Variants in PGAP4 observed in about 807,000 individuals in gnomAD.
PGAP4 encodes the protein GPI-N-acetylgalactosamine transferase PGAP4.
A neutral mutation model predicts 28.2 loss-of-function variants in PGAP4; 12 were observed. The observed-to-expected ratio is 0.42, with a 90% CI of 0.27 to 0.69. PGAP4 has a LOEUF of 0.69. PGAP4 is among the 30% of genes least tolerant of loss of function. The probability of loss-of-function intolerance (pLI) is 0.22; values close to 1 mark genes in which losing one functional copy is unlikely to be tolerated. For synonymous variants in PGAP4, 205 were observed against 211.8 expected (o/e 0.97, Z 0.28); for missense variants, 425 against 513.5 (o/e 0.83, Z 1.67).
chr9:101,477,231 CAAAA>C, intron 1 of PGAP4, 62 bp from the exon 2 acceptor site: 1 of 1,304,732 alleles, frequency 7.7e-7, no homozygotes. Flanking sequence ...AACAAACAAA[CAAAA>C]AAACAAAAGG....
intron 2 of PGAP4, among the ~76,000 whole-genome samples, chr9:101,523,749 A>G (rs958667082): frequency 1.4e-5 from 2 of 145,380 alleles, no homozygotes; most frequent in African/African-American, 2.6e-5. Flanking sequence ...TCAGGAATTT[A>G]TTCTTGGTTT....
intron 2 of PGAP4, among the ~76,000 whole-genome samples, chr9:101,519,990 T>A (rs1470978862): frequency 6.6e-6 from 1 of 152,188 alleles, no homozygotes; most frequent in African/African-American, 2.4e-5. Flanking sequence ...CTTTCCCTGC[T>A]TTTATGTTTT....
chr9:101,519,178 G>A (rs1826964758), intron 2 of PGAP4, among the ~76,000 whole-genome samples: 2 of 151,964 alleles, frequency 1.3e-5, no homozygotes, highest in African/African-American at 4.8e-5. Flanking sequence ...TTTGTTTTTA[G>A]ATGGAGTCTT....
chr9:101,482,014 T>C (rs2118535456), intron 1 of PGAP4, among the ~76,000 whole-genome samples: 1 of 152,274 alleles, frequency 6.6e-6, no homozygotes, highest in African/African-American at 2.4e-5. Flanking sequence ...CTAACAGAGC[T>C]TCTGACCTCC....
Position 101,476,396 on chromosome 9 carries a change from A to C in PGAP4, c.697T>G (p.Ser233Ala). Residue 233 changes from serine to alanine, a missense_variant, in exon 2 of 2, where the codon TCT becomes GCT. Transcript: ENST00000374848. This position sits in a 1 kb window ranked among gnomAD's most constrained non-coding sequence, Gnocchi z 7.0. ...AGGGCATCTCTGAGATGTGGCTCAG[A>C]GAAGCGAGCCCGCAGAAGGTGCTCC... ...VLEHLLRARF[S>A]EPHLRDALYL... 1 of 1,614,104 alleles carries C rather than the reference A, an allele frequency of 6.2e-7. No individual in the cohort carries two copies. The highest frequency in any genetic ancestry group is 8.5e-7 in the Non-Finnish European group (1 of 1,180,030).
At chr9:101,523,627 T>G (rs1313027395) in intron 2 of PGAP4, among the ~76,000 whole-genome samples, 1 of 64,284 alleles carries the variant, frequency 1.6e-5, no homozygotes, top group African/African-American at 5.1e-5. Context: ...ATCTTTTTTT[T>G]TTTTTTTTTT....
chr9:101,494,074 G>C (rs1826715234), intron 2 of PGAP4, among the ~76,000 whole-genome samples: 1 of 151,850 alleles, frequency 6.6e-6, no homozygotes, highest in African/African-American at 2.4e-5. Flanking sequence ...CCAAACAAAG[G>C]CCAACTTTAG....
At chr9:101,506,575 T>C (rs976212223) in intron 2 of PGAP4, among the ~76,000 whole-genome samples, 1 of 152,056 alleles carries the variant, frequency 6.6e-6, no homozygotes. Flanking sequence ...CTGAGCCAGA[T>C]CTCCTGTACG....
upstream of PGAP4, chr9:101,489,034 G>C (rs926594149): frequency 3.3e-5 from 5 of 152,012 alleles, 1 homozygote; most frequent in South Asian, 1.0e-3. Context: ...ACTTTCTATG[G>C]CTGTTACTGT....
At chr9:101,510,268 T>A (rs930020891) in intron 2 of PGAP4, among the ~76,000 whole-genome samples, 1 of 152,148 alleles carries the variant, frequency 6.6e-6, no homozygotes, top group African/African-American at 2.4e-5. Flanking sequence ...TCTTCACCAA[T>A]AGTAAAGGGC....
chr9:101,523,735 T>C (rs770823404), intron 2 of PGAP4, among the ~76,000 whole-genome samples: 5 of 149,556 alleles, frequency 3.3e-5, no homozygotes, highest in Non-Finnish European at 5.9e-5. Flanking sequence ...CTTTTTCAGG[T>C]AAATCAGGAA....
intron 2 of PGAP4, among the ~76,000 whole-genome samples, chr9:101,520,154 A>G (rs1826977327): frequency 6.6e-6 from 1 of 152,122 alleles, no homozygotes. Context: ...TGATGCCTCC[A>G]GATTTGTTCT....
In PGAP4 at chr9:101,473,352, C is replaced by T. The variant is rs1418215711; in HGVS notation, c.*2529G>A. 1 of 152,192 alleles carries T rather than the reference C, an allele frequency of 6.6e-6. No homozygotes were observed. Among genetic ancestry groups the T allele is most frequent in the Non-Finnish European group, 1.5e-5 (1 of 68,044 alleles). The allele number at this position is 152,192 out of a possible 1,614,324, so 9.4% of individuals were successfully genotyped here. A position where few individuals can be genotyped will look rare whatever the true frequency, so the allele number is the denominator to read the frequency against. On this transcript the variant is annotated 3_prime_UTR_variant, in exon 2 of 2. Transcript: ENST00000374848. Reference sequence around the variant, plus strand: ...TATGGGAAGGATATCTTAGTTCTCCCTAGCCCCTTGCTTAGGATTAAGTGA... The same window carrying T: ...TATGGGAAGGATATCTTAGTTCTCCTTAGCCCCTTGCTTAGGATTAAGTGA...
Position 101,509,759 on chromosome 9 carries a change from G to A in PGAP4, c.-164-20559C>T, listed in dbSNP as rs947582278. On this transcript the variant is annotated intron_variant, in intron 2 of 3. Transcript: ENST00000374851. ...TGGTGCATTTCTCTATGGATGACAC[G>A]GTGCAGCTAGCAAGCATTTCTCTAT... 4.6e-5 allele frequency among the ~76,000 whole-genome samples: 7 copies of A among 152,134 alleles called. No individual in the cohort carries two copies. In the South Asian group the frequency reaches 1.5e-3, roughly 32 times the overall value.
intron 2 of PGAP4, among the ~76,000 whole-genome samples, chr9:101,524,294 A>G (rs1385620116): frequency 6.6e-6 from 1 of 151,896 alleles, no homozygotes; most frequent in Non-Finnish European, 1.5e-5. Flanking sequence ...CCCAGCTCCC[A>G]TGCAAACCGA....
chr9:101,500,062 A>G lies in PGAP4; in HGVS notation c.-164-10862T>C, dbSNP rs1487571680. ...TACCCAAAGAAAAAAGTTTAGTTCAAGATCAAATCCAGAATTATGTTTTGC... is the reference window on the plus strand; with the variant it reads ...TACCCAAAGAAAAAAGTTTAGTTCAGGATCAAATCCAGAATTATGTTTTGC... On this transcript the variant is annotated intron_variant, in intron 2 of 3. Transcript: ENST00000374851. 3.3e-5 allele frequency among the ~76,000 whole-genome samples: 5 copies of G among 152,024 alleles called. 1 individual carries two copies. Among genetic ancestry groups the G allele is most frequent in the African/African-American group, 1.2e-4 (5 of 41,420 alleles).
intron 2 of PGAP4, among the ~76,000 whole-genome samples, chr9:101,496,806 T>C (rs1262697623): frequency 6.6e-6 from 1 of 150,874 alleles, no homozygotes; most frequent in South Asian, 2.1e-4. Flanking sequence ...TACATTTTTA[T>C]AGCATGTTTT....
At chr9:101,500,155 C>A (rs1244326921) in intron 2 of PGAP4, among the ~76,000 whole-genome samples, 2 of 152,074 alleles carry the variant, frequency 1.3e-5, no homozygotes, top group Middle Eastern at 6.8e-3. Flanking sequence ...TACTAGTTTC[C>A]TACTTCAGCT....
intron 2 of PGAP4, among the ~76,000 whole-genome samples, chr9:101,513,623 T>C (rs1826917509): frequency 6.6e-6 from 1 of 152,058 alleles, no homozygotes; most frequent in Non-Finnish European, 1.5e-5. Flanking sequence ...CTAATTTGAG[T>C]TGGCAGCTGT....
Sources: gnomAD v4.1 joint callset for allele counts (sites outside exome capture counted in the v4.1 genomes callset) on GRCh38, gnomAD v4.1.1 for gene constraint, Gnocchi (gnomAD v3.1) non-coding constraint, MANE v1.5 for transcripts, NCBI Gene and HGNC (gene_info 2026-07-23, HGNC 2026-07-21) for gene names.